RAI1: variants seen among roughly 807,000 people sequenced by gnomAD.
RAI1 encodes retinoic acid induced 1.
Under a neutral mutation model 123.8 loss-of-function variants are expected in RAI1, and 9 were observed. The observed-to-expected ratio is 0.07, with a 90% CI of 0.04 to 0.13. The LOEUF (loss-of-function observed/expected upper bound fraction) is 0.13. Among genes scored for constraint, RAI1 ranks in the 10% least tolerant of loss-of-function variants. RAI1 has a pLI of 1.00. For synonymous variants in RAI1, 1,231 were observed against 1,127.3 expected, an observed-to-expected ratio of 1.09 and a Z score of -1.84; for missense variants, 2,256 against 2,545.8, an observed-to-expected ratio of 0.89 and a Z score of 2.45.
intron 2 of RAI1, among the ~76,000 whole-genome samples, chr17:17,785,728 C>A (rs536046461): frequency 6.6e-6 from 1 of 152,180 alleles, no homozygotes; most frequent in Non-Finnish European, 1.5e-5. Context: ...CTGCCTCCCC[C>A]CTGAGCCCAG....
At chr17:17,688,507 T>C (rs1014425101) in intron 1 of RAI1, among the ~76,000 whole-genome samples, 1 of 151,634 alleles carries the variant, frequency 6.6e-6, no homozygotes. Context: ...ATAAACAAAA[T>C]GAGGATAGTA....
At chr17:17,700,034 A>G (rs1296106842) in intron 1 of RAI1, among the ~76,000 whole-genome samples, 1 of 152,212 alleles carries the variant, frequency 6.6e-6, no homozygotes, top group Non-Finnish European at 1.5e-5. Flanking sequence ...GGGGAGATTA[A>G]GTGAGAAAAT....
chr17:17,806,899 G>C (rs1049946319), intron 4 of RAI1, among the ~76,000 whole-genome samples: 1 of 152,190 alleles, frequency 6.6e-6, no homozygotes, highest in South Asian at 2.1e-4. Flanking sequence ...ACCTGGGTGC[G>C]GGGAGGGGAC....
chr17:17,764,580 C>G (rs1439724734), intron 2 of RAI1, among the ~76,000 whole-genome samples: 2 of 150,836 alleles, frequency 1.3e-5, no homozygotes, highest in African/African-American at 2.4e-5. Flanking sequence ...TCAAGCAATT[C>G]TCGTGCCTCG....
At chr17:17,791,678 C>G (rs1163438005) in intron 2 of RAI1, among the ~76,000 whole-genome samples, 1 of 152,232 alleles carries the variant, frequency 6.6e-6, no homozygotes, top group Admixed American at 6.5e-5. Flanking sequence ...CCCAAACCCT[C>G]TGGGACTCGG....
intron 2 of RAI1, chr17:17,779,099 G>A (rs543428542): frequency 1.7e-5 from 6 of 351,770 alleles, no homozygotes; most frequent in South Asian, 4.3e-5. Flanking sequence ...TCCAAAGAGA[G>A]AGAAATCAGC....
chr17:17,711,016 C>T (rs759842321), intron 1 of RAI1, among the ~76,000 whole-genome samples: 4 of 152,220 alleles, frequency 2.6e-5, no homozygotes, highest in Non-Finnish European at 4.4e-5. Context: ...CTGCTCCCTT[C>T]TCTCCCTCAC....
intron 2 of RAI1, among the ~76,000 whole-genome samples, chr17:17,768,194 G>A (rs1037677726): frequency 2.0e-5 from 3 of 152,174 alleles, no homozygotes; most frequent in African/African-American, 7.2e-5. Flanking sequence ...GTCAGGGGGT[G>A]GCACCTGGTC....
At chr17:17,792,026 G>A (rs1199708586) in intron 2 of RAI1, among the ~76,000 whole-genome samples, 1 of 152,168 alleles carries the variant, frequency 6.6e-6, no homozygotes, top group African/African-American at 2.4e-5. Flanking sequence ...GGACAGGGCT[G>A]TGTCGCCCCA....
At chr17:17,710,713 A>T (rs1915540012) in intron 1 of RAI1, among the ~76,000 whole-genome samples, 1 of 152,236 alleles carries the variant, frequency 6.6e-6, no homozygotes, top group South Asian at 2.1e-4. Context: ...GAGGTAAAAA[A>T]GTGGAGACAG....
At chr17:17,686,731 C>T (rs545768191) in intron 1 of RAI1, among the ~76,000 whole-genome samples, 18 of 151,368 alleles carry the variant, frequency 1.2e-4, no homozygotes, top group African/African-American at 3.4e-4. Flanking sequence ...AGTGGGGGGA[C>T]GGCAAGGAGT....
rs571737572 is a variant in RAI1 at position 17,731,152 on chromosome 17, G to A, written c.-17+6993G>A. ...AGAGGGGCCACACACATAGGGTGTC[G>A]GGACCAGCCTGAACCGGGTCAGCCT... On this transcript the variant is annotated intron_variant, in intron 2 of 5. Coordinates refer to ENST00000353383, the MANE Select transcript of RAI1 (RefSeq NM_030665.4). Among the ~76,000 whole-genome samples, 90 of 152,328 alleles carry A rather than the reference G, an allele frequency of 5.9e-4. 1 individual carries two copies. The highest frequency in any genetic ancestry group is 2.3e-3 in the South Asian group (11 of 4,822).
At chr17:17,708,323 C>G (rs1411497470) in intron 1 of RAI1, among the ~76,000 whole-genome samples, 1 of 152,078 alleles carries the variant, frequency 6.6e-6, no homozygotes, top group East Asian at 1.9e-4. Context: ...CCTTTTTTCT[C>G]CAACAATACT....
intron 2 of RAI1, among the ~76,000 whole-genome samples, chr17:17,784,696 G>A (rs1212329146): frequency 2.0e-5 from 3 of 152,194 alleles, no homozygotes; most frequent in Admixed American, 1.3e-4. Context: ...TGGGCCTCAA[G>A]GCACACAGGA....
rs1030301499 is a variant in RAI1 at position 17,800,248 on chromosome 17, C to T, written c.5565+1735C>T. ...TCTCTCATTACTGGCTCCTTCCCAG[C>T]GCCTTGAAACAGGTTCAAGTCTCTC... is the stretch of plus-strand genomic sequence containing the variant. On this transcript the variant is annotated intron_variant, in intron 3 of 5. Transcript: ENST00000353383. The surrounding 1 kb of genome is among the most constrained non-coding windows in gnomAD (Gnocchi z 4.7). Among the ~76,000 whole-genome samples the T allele has an allele frequency of 4.8e-5, 7 of 144,774 alleles. No individual in the cohort carries two copies. In the East Asian group the frequency reaches 9.9e-4, roughly 20 times the overall value. The allele number at this position is 144,774 out of a possible 152,430, so 95.0% of individuals were successfully genotyped here. A position where few individuals can be genotyped will look rare whatever the true frequency, so the allele number is the denominator to read the frequency against.
chr17:17,682,928 G>A (rs996158171), intron 1 of RAI1, among the ~76,000 whole-genome samples: 14 of 152,070 alleles, frequency 9.2e-5, no homozygotes, highest in African/African-American at 3.4e-4. Flanking sequence ...GGGAGGGGAG[G>A]CCGCGCGCCT....
At chr17:17,705,030 C>T (rs1485799655) in intron 1 of RAI1, among the ~76,000 whole-genome samples, 1 of 152,178 alleles carries the variant, frequency 6.6e-6, no homozygotes, top group East Asian at 1.9e-4. Flanking sequence ...GAGAGGGAGC[C>T]TCCCTGCTAC....
At chr17:17,745,427 G>T (rs1358665069) in intron 2 of RAI1, among the ~76,000 whole-genome samples, 1 of 151,290 alleles carries the variant, frequency 6.6e-6, no homozygotes, top group Non-Finnish European at 1.5e-5. Context: ...GTGTGTGTGT[G>T]TGTTTGTTTT....
At position 17,810,445 on chromosome 17, in the gene RAI1, C is replaced by G. The variant is rs2032717997; in HGVS notation, c.*464C>G. On this transcript the variant is annotated 3_prime_UTR_variant, in exon 6 of 6. Coordinates refer to ENST00000353383, the MANE Select transcript of RAI1 (RefSeq NM_030665.4). This position sits in a 1 kb window ranked among gnomAD's most constrained non-coding sequence, Gnocchi z 4.6. The stretch of plus-strand genomic sequence containing the variant: ...GAGCCCTGGGCTTGGGGGTGGGGGT[C>G]GAAACAGTACTGGAAGAGGCGGAGG... 4.4e-6 allele frequency: 1 copy of G among 227,908 alleles called. No individual in the cohort carries two copies. The highest frequency in any genetic ancestry group is 8.8e-6 in the Non-Finnish European group (1 of 113,088). 14.1% of individuals were successfully genotyped at this position (227,908 alleles called of 1,614,324 possible).
Sources: gnomAD v4.1 joint callset for allele counts (sites outside exome capture counted in the v4.1 genomes callset) on GRCh38, gnomAD v4.1.1 for gene constraint, Gnocchi (gnomAD v3.1) non-coding constraint, MANE v1.5 for transcripts, NCBI Gene and HGNC (gene_info 2026-07-23, HGNC 2026-07-21) for gene names.